RBM6: variants seen among roughly 807,000 people sequenced by gnomAD.
RBM6 encodes RNA-binding protein 6.
RBM6 carries 23 observed loss-of-function variants against 140.4 expected under a neutral mutation model. The observed-to-expected ratio is 0.16, with a 90% CI of 0.12 to 0.23. RBM6 has a LOEUF of 0.23. Among genes scored for constraint, RBM6 ranks in the 10% least tolerant of loss-of-function variants. RBM6 has a pLI of 1.00. For synonymous variants in RBM6, 439 were observed against 475.6 expected (o/e 0.92, Z 1.00); for missense variants, 1,139 against 1,386.7 (o/e 0.82, Z 2.84).
At chr3:50,046,494 G>T (rs1358827811) in intron 6 of RBM6, among the ~76,000 whole-genome samples, 2 of 151,068 alleles carry the variant, frequency 1.3e-5, no homozygotes, top group Non-Finnish European at 2.9e-5. Flanking sequence ...CAGGAGACTC[G>T]CTTGAACCTG....
chr3:50,044,545 T>C (rs911782306), intron 6 of RBM6, among the ~76,000 whole-genome samples: 3 of 149,662 alleles, frequency 2.0e-5, no homozygotes, highest in Non-Finnish European at 4.4e-5. Context: ...ATCGCATCAC[T>C]GCACTCCAGC....
chr3:50,022,212 G>A (rs1346837562), intron 6 of RBM6, among the ~76,000 whole-genome samples: 1 of 152,070 alleles, frequency 6.6e-6, no homozygotes, highest in South Asian at 2.1e-4. Flanking sequence ...CAAAATACTT[G>A]TATTGGGTAG....
chr3:49,944,289 C>A (rs889232739), intron 1 of RBM6, among the ~76,000 whole-genome samples: 4 of 152,004 alleles, frequency 2.6e-5, no homozygotes, highest in African/African-American at 9.7e-5. Flanking sequence ...AGCATAATAT[C>A]TTCAGGATTC....
intron 5 of RBM6, among the ~76,000 whole-genome samples, chr3:49,979,119 T>A (rs1472496665): frequency 1.3e-5 from 2 of 152,194 alleles, no homozygotes; most frequent in Non-Finnish European, 2.9e-5. Flanking sequence ...GAAATACTGA[T>A]GTATGCTACA....
At chr3:49,962,502 C>G in intron 1 of RBM6, 74 bp from the exon 2 acceptor site, 1 of 711,558 alleles carries the variant, frequency 1.4e-6, no homozygotes, top group East Asian at 2.9e-5. Context: ...CCCTCATAAA[C>G]CAAGCAGTGG....
Position 50,036,356 on chromosome 3 carries a change from GTTTC to G in RBM6, c.1558-11886_1558-11883del, listed in dbSNP as rs111504643. On this transcript the variant is annotated intron_variant, in intron 6 of 20. Coordinates refer to ENST00000266022, the MANE Select transcript of RBM6 (RefSeq NM_005777.3). The stretch of plus-strand genomic sequence containing the variant: ...AAGGCATACAGGTCTGATCAGGAGA[GTTTC>G]TTGATGACTAGCTATGGGCTATGCC... 8.2e-4 allele frequency among the ~76,000 whole-genome samples: 125 copies of G among 152,338 alleles called. 2 individuals carry two copies. Among genetic ancestry groups the G allele is most frequent in the African/African-American group, 2.8e-3 (118 of 41,574 alleles).
At chr3:50,003,893 C>T (rs931183061) in intron 6 of RBM6, among the ~76,000 whole-genome samples, 2 of 152,230 alleles carry the variant, frequency 1.3e-5, no homozygotes, top group African/African-American at 4.8e-5. Context: ...TCCACCCTTC[C>T]TGCAAAGTGT....
intron 8 of RBM6, among the ~76,000 whole-genome samples, 182 bp from the exon 9 acceptor site, chr3:50,057,546 C>T (rs550362239): frequency 1.6e-5 from 2 of 127,478 alleles, no homozygotes; most frequent in Admixed American, 2.1e-4. Context: ...CAAGATCATG[C>T]CATTGCACTT....
At chr3:49,995,288 G>A (rs1044761627) in intron 5 of RBM6, among the ~76,000 whole-genome samples, 2 of 152,054 alleles carry the variant, frequency 1.3e-5, no homozygotes, top group Admixed American at 6.6e-5. Context: ...TAAGGAGGCC[G>A]GGTGCGGTGG....
intron 1 of RBM6, among the ~76,000 whole-genome samples, chr3:49,951,557 A>T (rs868761095): frequency 2.9e-4 from 43 of 150,350 alleles, no homozygotes; most frequent in Admixed American, 8.0e-4. Flanking sequence ...TATTTTATTT[A>T]TTATTTATTT....
chr3:49,968,770 C>CTTTTTT lies in RBM6; in HGVS notation c.1323+45_1323+50dup, dbSNP rs569224640. ...TCAGGTATGTTGATGGGGTGGATTG[C>CTTTTTT]TTTTTTTTTTTTTTTTTTTTTTTTT... On this transcript the variant is annotated intron_variant, in intron 3 of 20. Transcript: ENST00000266022. The CTTTTTT allele has an allele frequency of 2.7e-4, 188 of 700,048 alleles. 20 individuals are homozygous for CTTTTTT. In the African/African-American group the frequency reaches 4.5e-3, roughly 17 times the overall value. The allele number at this position is 700,048 out of a possible 1,614,324, so 43.4% of individuals were successfully genotyped here.
Position 50,046,949 on chromosome 3 carries a change from A to G in RBM6, c.1558-1296A>G, listed in dbSNP as rs904898549. Among the ~76,000 whole-genome samples the G allele has an allele frequency of 2.0e-5, 3 of 152,176 alleles. No individual in the cohort carries two copies. The East Asian group carries it at 5.8e-4, about 29-fold the overall frequency. On this transcript the variant is annotated intron_variant, in intron 6 of 20. Coordinates refer to ENST00000266022, the MANE Select transcript of RBM6 (RefSeq NM_005777.3). Reference sequence around the variant, plus strand: ...CGGATCATTTAGGGGATTAAATAAGATAATGTACTTCGTGGTTTCTGGCTC... The same window carrying G: ...CGGATCATTTAGGGGATTAAATAAGGTAATGTACTTCGTGGTTTCTGGCTC...
intron 6 of RBM6, among the ~76,000 whole-genome samples, chr3:50,008,353 T>C: frequency 6.6e-6 from 1 of 152,200 alleles, no homozygotes; most frequent in Non-Finnish European, 1.5e-5. Flanking sequence ...ATTGGAAATA[T>C]ACCTATATGT....
intron 6 of RBM6, among the ~76,000 whole-genome samples, chr3:50,031,884 G>A (rs2088188460): frequency 6.6e-6 from 1 of 152,080 alleles, no homozygotes; most frequent in South Asian, 2.1e-4. Flanking sequence ...TGAGGGGATG[G>A]ATACTCTATT....
At chr3:49,970,913 T>C (rs565971829) in intron 3 of RBM6, among the ~76,000 whole-genome samples, 2 of 152,166 alleles carry the variant, frequency 1.3e-5, no homozygotes, top group East Asian at 3.9e-4. Flanking sequence ...GCAGATCATT[T>C]GAGGTCAGGA....
chr3:49,953,139 T>C (rs1396946002), intron 1 of RBM6, among the ~76,000 whole-genome samples: 1 of 151,850 alleles, frequency 6.6e-6, no homozygotes, highest in Non-Finnish European at 1.5e-5. Flanking sequence ...TACTGCAGGC[T>C]GAAACTCCCA....
At chr3:50,002,264 C>CTT (rs781666292) in intron 6 of RBM6, among the ~76,000 whole-genome samples, 5 of 138,058 alleles carry the variant, frequency 3.6e-5, no homozygotes, top group Non-Finnish European at 4.7e-5. Context: ...AATTTTTTTT[C>CTT]TTTTTTTTTT....
intron 4 of RBM6, among the ~76,000 whole-genome samples, chr3:49,972,945 C>G (rs538689053): frequency 6.6e-6 from 1 of 152,096 alleles, no homozygotes; most frequent in Non-Finnish European, 1.5e-5. Context: ...GTTCTCCTGC[C>G]GCAGCCTCCC....
At chr3:50,019,820 A>C (rs1324878660) in intron 6 of RBM6, among the ~76,000 whole-genome samples, 1 of 151,890 alleles carries the variant, frequency 6.6e-6, no homozygotes, top group African/African-American at 2.4e-5. Context: ...AAATCATGAA[A>C]GGGGATTGGA....
Sources: allele counts gnomAD v4.1 joint callset (sites outside exome capture counted in the v4.1 genomes callset), GRCh38; gene constraint gnomAD v4.1.1; transcripts MANE v1.5; gene names NCBI Gene and HGNC (gene_info 2026-07-23, HGNC 2026-07-21).